TUSC3: variants seen among roughly 807,000 people sequenced by gnomAD.
TUSC3 encodes dolichyl-diphosphooligosaccharide--protein glycosyltransferase subunit TUSC3.
TUSC3 carries 45 observed loss-of-function variants against 44.8 expected under a neutral mutation model. That is an observed-to-expected ratio of 1.00 (90% confidence interval 0.79 to 1.29). The LOEUF is 1.29. TUSC3 is among the 50% of genes most tolerant of loss of function. The pLI is 0.00. For missense variants in TUSC3, 519 were observed against 437.9 expected, an observed-to-expected ratio of 1.19 and a Z score of -1.65; for synonymous variants, 212 against 152.9, an observed-to-expected ratio of 1.39 and a Z score of -2.85.
At chr8:15,457,067 A>T (rs1475283047) in intron 1 of TUSC3, among the ~76,000 whole-genome samples, 1 of 151,766 alleles carries the variant, frequency 6.6e-6, no homozygotes. Flanking sequence ...TATCGCAAGG[A>T]TAAAAAACCA....
the TUSC3 span, among the ~76,000 whole-genome samples, chr8:15,819,064 GA>G: frequency 0.14 from 20,877 of 150,028 alleles, 1,571 homozygotes; most frequent in East Asian, 0.25. Flanking sequence ...GTCTCTACAA[GA>G]AAAAAAAAAT....
At chr8:15,800,999 G>C in the TUSC3 span, among the ~76,000 whole-genome samples, 1 of 152,070 alleles carries the variant, frequency 6.6e-6, no homozygotes, top group African/African-American at 2.4e-5. Context: ...TACAAGAAAG[G>C]GGTCCCGATC....
At chr8:15,700,849 C>CTTTTGTTTTTTTTTTT (rs1809367395) in intron 6 of TUSC3, among the ~76,000 whole-genome samples, 2 of 90,536 alleles carry the variant, frequency 2.2e-5, no homozygotes. Context: ...ATGGCTGGAG[C>CTTTTGTTTTTTTTTTT]TTTTTTTTTT....
chr8:15,746,193 T>G (rs890880853), intron 8 of TUSC3, among the ~76,000 whole-genome samples: 5 of 152,072 alleles, frequency 3.3e-5, no homozygotes, highest in African/African-American at 4.8e-5. Context: ...TGTAGTAAAT[T>G]TTTAAATCTT....
At chr8:15,743,176 ATG>A (rs1341895824) in intron 7 of TUSC3, among the ~76,000 whole-genome samples, 2 of 152,226 alleles carry the variant, frequency 1.3e-5, no homozygotes, top group South Asian at 2.1e-4. Flanking sequence ...TGAAAATGAA[ATG>A]TGTCAATGAC....
At chr8:15,744,492 A>G (rs1811322164) in intron 8 of TUSC3, among the ~76,000 whole-genome samples, 1 of 152,244 alleles carries the variant, frequency 6.6e-6, no homozygotes, top group East Asian at 1.9e-4. Context: ...TGAGCAGTAT[A>G]GGTATCTGAA....
intron 1 of TUSC3, among the ~76,000 whole-genome samples, chr8:15,420,117 G>A (rs1799719542): frequency 6.6e-6 from 1 of 152,162 alleles, no homozygotes; most frequent in Admixed American, 6.5e-5. Context: ...ACTTTATGGA[G>A]TATTGTGGTG....
At chr8:15,795,044 G>T in the TUSC3 span, among the ~76,000 whole-genome samples, 2 of 152,114 alleles carry the variant, frequency 1.3e-5, no homozygotes, top group Admixed American at 1.3e-4. Context: ...TAATCTGACG[G>T]AAAGAGGTTG....
chr8:15,539,908 G>A (rs1029728237), upstream of TUSC3, among the ~76,000 whole-genome samples: 2 of 152,104 alleles, frequency 1.3e-5, no homozygotes, highest in Admixed American at 6.5e-5. Context: ...AAGGAGAAGA[G>A]CTGTGTTCCT....
chr8:15,691,292 T>G (rs1195043222), intron 6 of TUSC3, among the ~76,000 whole-genome samples: 1 of 152,188 alleles, frequency 6.6e-6, no homozygotes, highest in Non-Finnish European at 1.5e-5. Context: ...ATTTCATTCT[T>G]AATTTGGCTT....
intron 6 of TUSC3, among the ~76,000 whole-genome samples, chr8:15,708,632 G>A (rs1243965634): frequency 1.3e-5 from 2 of 151,872 alleles, no homozygotes; most frequent in Admixed American, 1.3e-4. Context: ...GAATTTTGGT[G>A]GAGAAGAAAG....
intron 1 of TUSC3, among the ~76,000 whole-genome samples, chr8:15,477,342 C>G (rs945156934): frequency 6.6e-6 from 1 of 152,160 alleles, no homozygotes; most frequent in African/African-American, 2.4e-5. Context: ...ATATCAAACA[C>G]TTAGTGTAGA....
intron 1 of TUSC3, among the ~76,000 whole-genome samples, chr8:15,441,899 C>G (rs1051509676): frequency 1.3e-5 from 2 of 152,108 alleles, no homozygotes; most frequent in African/African-American, 4.8e-5. Context: ...ATGAATGGAT[C>G]TTGTATTCAT....
chr8:15,709,046 G>A (rs1337932647), intron 6 of TUSC3, among the ~76,000 whole-genome samples: 1 of 151,820 alleles, frequency 6.6e-6, no homozygotes, highest in African/African-American at 2.4e-5. Flanking sequence ...ACTAATAGTT[G>A]ATCATTAAGC....
At chr8:15,719,747 A>T (rs185648637) in intron 6 of TUSC3, among the ~76,000 whole-genome samples, 3 of 152,294 alleles carry the variant, frequency 2.0e-5, no homozygotes, top group African/African-American at 7.2e-5. Context: ...AATGAAGTAG[A>T]GATCCTTCCA....
the TUSC3 span, among the ~76,000 whole-genome samples, chr8:15,774,016 G>A: frequency 5.9e-3 from 895 of 152,152 alleles, 9 homozygotes; most frequent in African/African-American, 0.02. Flanking sequence ...GACTTCAAAA[G>A]CACAAGCAAC....
intron 1 of TUSC3, among the ~76,000 whole-genome samples, chr8:15,434,569 T>C (rs972240180): frequency 6.7e-6 from 1 of 149,186 alleles, no homozygotes; most frequent in South Asian, 2.1e-4. Flanking sequence ...TTAGGGTACC[T>C]GTGCACAACA....
intron 2 of TUSC3, among the ~76,000 whole-genome samples, chr8:15,489,322 A>G (rs2129125620): frequency 6.6e-6 from 1 of 152,296 alleles, no homozygotes; most frequent in South Asian, 2.1e-4. Flanking sequence ...AATCAATAGA[A>G]AGGACTGTCC....
At chr8:15,495,281 G>C (rs763615660) in intron 2 of TUSC3, among the ~76,000 whole-genome samples, 61 of 152,272 alleles carry the variant, frequency 4.0e-4, no homozygotes, top group Non-Finnish European at 6.6e-4. Flanking sequence ...GAGTAGAAAG[G>C]AGCAGTTTCA....
Sources: gnomAD v4.1 joint callset for allele counts (sites outside exome capture counted in the v4.1 genomes callset) on GRCh38, gnomAD v4.1.1 for gene constraint, MANE v1.5 for transcripts, NCBI Gene and HGNC (gene_info 2026-07-23, HGNC 2026-07-21) for gene names.